The following CYP3A7 variants were observed in gnomAD, a reference collection of about 807,000 sequenced individuals.
CYP3A7 encodes cytochrome P450 3A7.
A neutral mutation model predicts 55.2 loss-of-function variants in CYP3A7; 45 were observed. That is an observed-to-expected ratio of 0.82 (90% CI 0.64 to 1.05). CYP3A7 has a LOEUF of 1.05. CYP3A7 is among the 50% of genes least tolerant of loss of function. The pLI is 0.00. For synonymous variants in CYP3A7, 180 were observed against 207.4 expected (o/e 0.87, Z 1.13); for missense variants, 548 against 605.3 (o/e 0.91, Z 0.99).
intron 7 of CYP3A7, chr7:99,715,440 T>TA (rs1277597388): frequency 5.8e-6 from 2 of 344,452 alleles, no homozygotes; most frequent in African/African-American, 2.1e-5. Flanking sequence ...ACTAGAGAAT[T>TA]AAAAAAACCC....
In CYP3A7 at chr7:99,731,149, A is replaced by G; in HGVS notation, c.75T>C (p.Tyr25=). The G allele has an allele frequency of 6.2e-7, 1 of 1,613,830 alleles. No individual in the cohort carries two copies. The highest frequency in any genetic ancestry group is 8.5e-7 in the Non-Finnish European group (1 of 1,179,760). Residue 25 remains tyrosine, a synonymous_variant, in exon 2 of 13, where the codon TAT becomes TAC. Transcript: ENST00000336374. ...LAVSLILLYL[Y]GTRTHGLFKK... is the part of the protein sequence containing the mutation. Reference sequence around the variant, plus strand: ...TAAAAAGTCCATGTGTACGGGTTCCATATCTACAAAGTGAAACAAAAATCA... The same window carrying G: ...TAAAAAGTCCATGTGTACGGGTTCCGTATCTACAAAGTGAAACAAAAATCA...
intron 2 of CYP3A7, among the ~76,000 whole-genome samples, chr7:99,724,585 C>A (rs141507073): frequency 0.011 from 1,621 of 152,128 alleles, 18 homozygotes; most frequent in Non-Finnish European, 0.015. Context: ...CCTCACCAGG[C>A]CAAGCCAGGT....
intron 3 of CYP3A7, among the ~76,000 whole-genome samples, chr7:99,721,210 A>G (rs559323673): frequency 2.0e-5 from 3 of 152,340 alleles, no homozygotes; most frequent in Admixed American, 6.5e-5. Context: ...AGAAATGTAT[A>G]GACAAAGATG....
intron 4 of CYP3A7, among the ~76,000 whole-genome samples, 172 bp downstream of exon 4, chr7:99,720,141 T>A (rs73410637): frequency 0.017 from 2,562 of 152,314 alleles, 65 homozygotes; most frequent in African/African-American, 0.057. Flanking sequence ...GAATATACTG[T>A]ATTTATAGTT....
intron 11 of CYP3A7, 111 bp from the exon 12 acceptor site, chr7:99,708,085 A>G: frequency 6.7e-7 from 1 of 1,482,648 alleles, no homozygotes; most frequent in Non-Finnish European, 9.3e-7. Context: ...TACACAGGAT[A>G]CTTTTGTGGG....
intron 4 of CYP3A7, among the ~76,000 whole-genome samples, chr7:99,719,035 A>C (rs1051753347): frequency 6.6e-6 from 1 of 152,248 alleles, no homozygotes; most frequent in Admixed American, 6.5e-5. Context: ...TACTATGTTC[A>C]TGAATTGAAA....
At chr7:99,720,722 A>G (rs1584516468) in intron 3 of CYP3A7, 1 of 303,310 alleles carries the variant, frequency 3.3e-6, no homozygotes, top group Non-Finnish European at 6.3e-6. Context: ...TGGTGCATAC[A>G]TGGGTATTTC....
chr7:99,716,754 A>G (rs1042647302), intron 6 of CYP3A7, among the ~76,000 whole-genome samples: 1 of 152,186 alleles, frequency 6.6e-6, no homozygotes, highest in Non-Finnish European at 1.5e-5. Flanking sequence ...CAGAAAAAAA[A>G]CATGAAATGA....
In CYP3A7 at chr7:99,731,121, T is replaced by G; in HGVS notation, c.103A>C (p.Lys35Gln). Residue 35 changes from lysine to glutamine, a missense_variant, in exon 2 of 13, where the codon AAG (lysine) becomes CAG (glutamine). Lys to Gln is a moderately conservative substitution (Grantham distance 53, BLOSUM62 1). Transcript: ENST00000336374. ...GGTGTGGGCCCTGGAATTCCAAGCT[T>G]CTTAAAAAGTCCATGTGTACGGGTT... The part of the protein sequence containing the change: ...YGTRTHGLFK[K>Q]LGIPGPTPLP... 1 of 1,613,834 alleles carries G rather than the reference T, an allele frequency of 6.2e-7. No homozygotes were observed. The highest frequency in any genetic ancestry group is 1.3e-5 in the African/African-American group (1 of 74,996).
intron 10 of CYP3A7, 136 bp downstream of exon 10, chr7:99,710,596 T>G: frequency 6.7e-7 from 1 of 1,485,190 alleles, no homozygotes; most frequent in Non-Finnish European, 9.0e-7. Flanking sequence ...TCTTTTTATT[T>G]TGAGAGCCTT....
In CYP3A7 at chr7:99,705,108, A is replaced by G. The variant is rs1425654962; in HGVS notation, c.*392T>C. On this transcript the variant is annotated 3_prime_UTR_variant, in exon 13 of 13. Transcript: ENST00000336374. Reference sequence around the variant, plus strand: ...CTATAGAATACTACAGATATAACACATGATATAAATGTCACTGTTAGAGCC... The same window carrying G: ...CTATAGAATACTACAGATATAACACGTGATATAAATGTCACTGTTAGAGCC... 1 of 209,818 alleles carries G rather than the reference A, an allele frequency of 4.8e-6. No homozygotes were observed. The highest frequency in any genetic ancestry group is 2.3e-5 in the African/African-American group (1 of 43,188). The allele number at this position is 209,818 out of a possible 1,614,324, so 13.0% of individuals were successfully genotyped here. A position where few individuals can be genotyped will look rare whatever the true frequency, so the allele number is the denominator to read the frequency against.
Position 99,710,794 on chromosome 7 carries a change from C to T in CYP3A7, c.964G>A (p.Ala322Thr), listed in dbSNP as rs780092156. The T allele has an allele frequency of 1.9e-6, 3 of 1,613,870 alleles. No individual in the cohort carries two copies. Among genetic ancestry groups the T allele is most frequent in the Non-Finnish European group, 2.5e-6 (3 of 1,179,888 alleles). ...SVLSFIIYEL[A>T]THPDVQQKVQ... ...TTCTGCTGGACATCAGGGTGAGTGG[C>T]CAGTTCATATATAATGAAGGAGAGA... Residue 322 changes from alanine to threonine, a missense_variant, in exon 10 of 13, where the codon GCC becomes ACC. Physicochemically the swap from Ala to Thr is moderately conservative, Grantham distance 58. Transcript: ENST00000336374.
intron 1 of CYP3A7, 58 bp downstream of exon 1, chr7:99,734,965 C>T (rs1257828971): frequency 6.2e-7 from 1 of 1,611,384 alleles, no homozygotes; most frequent in African/African-American, 1.3e-5. Context: ...GAAAGAGAGG[C>T]CTGATTAGCA....
intron 7 of CYP3A7, chr7:99,715,343 C>T (rs767559790): frequency 1.7e-5 from 4 of 232,120 alleles, no homozygotes; most frequent in Non-Finnish European, 2.5e-5. Flanking sequence ...TACATTCATG[C>T]CACAACACAG....
chr7:99,715,914 G>A lies in CYP3A7; in HGVS notation c.522-8C>T. 6.2e-7 allele frequency: 1 copy of A among 1,613,598 alleles called. No homozygotes were observed. The highest frequency in any genetic ancestry group is 8.5e-7 in the Non-Finnish European group (1 of 1,179,742). On this transcript the variant is annotated splice_polypyrimidine_tract_variant and splice_region_variant and intron_variant, in intron 6 of 12. Transcript: ENST00000336374. ...CTGTAGGCCCCAAAGACGCTGAGTG[G>A]AGAAAGATGTGGAAAATTAAAATCA... is the stretch of plus-strand genomic sequence containing the variant.
chr7:99,717,105 G>A (rs543837820), intron 6 of CYP3A7, 72 bp downstream of exon 6: 42 of 1,596,970 alleles, frequency 2.6e-5, no homozygotes, highest in East Asian at 1.1e-4. Flanking sequence ...AACAGCGGGA[G>A]TATCAGCTCC....
chr7:99,714,584 TTA>T lies in CYP3A7; in HGVS notation c.767_768del (p.Ile256LysfsTer21). On this transcript the variant is annotated frameshift_variant, in exon 8 of 13. Coordinates refer to ENST00000336374, the MANE Select transcript of CYP3A7 (RefSeq NM_000765.5). LOFTEE classifies it high-confidence loss of function. ...ISFLTKSVKQIKEGRLKETQK... is the reference protein window; with the variant it reads ...ISFLTKSVKQXKEGRLKETQK... ...TGTGTCTCTTTGAGGCGACCTTCTT[TTA>T]TCTGTTTTACAGATTTTGTTAGAAA... The T allele has an allele frequency of 6.2e-7, 1 of 1,613,356 alleles. No individual in the cohort carries two copies. The highest frequency in any genetic ancestry group is 8.5e-7 in the Non-Finnish European group (1 of 1,179,608).
intron 2 of CYP3A7, among the ~76,000 whole-genome samples, chr7:99,730,372 A>G (rs1814567198): frequency 1.3e-5 from 2 of 152,238 alleles, no homozygotes; most frequent in South Asian, 4.1e-4. Context: ...TCTCAGTTAC[A>G]TCCACTCCCT....
At chr7:99,707,771 A>C in intron 12 of CYP3A7, 41 bp downstream of exon 12, 1 of 1,612,298 alleles carries the variant, frequency 6.2e-7, no homozygotes, top group Non-Finnish European at 8.5e-7. Flanking sequence ...CAGTTAAAAT[A>C]ATTGTTAATA....
Sources: gnomAD v4.1 joint callset for allele counts (sites outside exome capture counted in the v4.1 genomes callset) on GRCh38, gnomAD v4.1.1 for gene constraint, MANE v1.5 for transcripts, NCBI Gene and HGNC (gene_info 2026-07-23, HGNC 2026-07-21) for gene names.